The following SLC38A11 variants were observed in gnomAD, a reference collection of about 807,000 sequenced individuals.
SLC38A11 encodes solute carrier family 38 member 11.
A neutral mutation model predicts 49.4 loss-of-function variants in SLC38A11; 51 were observed. The observed-to-expected ratio is 1.03, with a 90% CI of 0.83 to 1.30. The LOEUF is 1.30. SLC38A11 is among the 50% of genes most tolerant of loss of function. SLC38A11 has a pLI of 0.00. For synonymous variants in SLC38A11, 203 were observed against 192.9 expected, an observed-to-expected ratio of 1.05 and a Z score of -0.43; for missense variants, 574 against 556.2, an observed-to-expected ratio of 1.03 and a Z score of -0.32.
intron 10 of SLC38A11, among the ~76,000 whole-genome samples, chr2:164,909,023 T>A (rs1442793280): frequency 6.6e-6 from 1 of 152,162 alleles, no homozygotes; most frequent in Non-Finnish European, 1.5e-5. Context: ...GGCATACCGA[T>A]GTTTCAATAC....
rs1684375667 is a variant in SLC38A11, at chr2:164,896,338, C to T, written c.*2099G>A. On this transcript the variant is annotated 3_prime_UTR_variant, in exon 12 of 12. Transcript: ENST00000685975. ...GCACTAATGCTGCGCTCAGTTCCTA[C>T]CAGGAGCTTTCATCTACTTGAAGAG... 1 of 152,118 alleles carries T rather than the reference C, an allele frequency of 6.6e-6. No individual in the cohort carries two copies. Among genetic ancestry groups the T allele is most frequent in the South Asian group, 2.1e-4 (1 of 4,826 alleles). The allele number at this position is 152,118 out of a possible 1,614,324, so 9.4% of individuals were successfully genotyped here. A position where few individuals can be genotyped will look rare whatever the true frequency, so the allele number is the denominator to read the frequency against.
intron 2 of SLC38A11, among the ~76,000 whole-genome samples, 172 bp downstream of exon 2, chr2:164,954,459 A>T (rs1462337456): frequency 6.6e-6 from 1 of 152,216 alleles, no homozygotes; most frequent in Admixed American, 6.5e-5. Flanking sequence ...CATAAAAGAC[A>T]TGCATACATA....
At chr2:164,904,510 T>C (rs1483541408) in intron 11 of SLC38A11, among the ~76,000 whole-genome samples, 1 of 152,288 alleles carries the variant, frequency 6.6e-6, no homozygotes, top group African/African-American at 2.4e-5. Context: ...ATAGTAGCAT[T>C]TCCCTAACCT....
Position 164,904,411 on chromosome 2 carries a change from A to C in SLC38A11, c.1095+4229T>G, listed in dbSNP as rs558425747. The stretch of plus-strand genomic sequence containing the variant: ...CATTGTTGTCTACTGACATGAAAAC[A>C]AGAAAAAAAAAGGAAAGCAAGGTTC... On this transcript the variant is annotated intron_variant, in intron 11 of 11. Coordinates refer to ENST00000685975, the MANE Select transcript of SLC38A11 (RefSeq NM_001351537.2). Among the ~76,000 whole-genome samples, 8 of 152,240 alleles carry C rather than the reference A, an allele frequency of 5.3e-5. No individual in the cohort carries two copies. In the South Asian group the frequency reaches 1.7e-3, roughly 32 times the overall value.
At position 164,952,743 on chromosome 2, in the gene SLC38A11, C is replaced by T; in HGVS notation, c.193G>A (p.Gly65Arg). The change falls in exon 3 of 12, where the codon GGA becomes AGA. Residue 65 changes from glycine to arginine, a missense_variant. Gly to Arg is a moderately radical substitution (Grantham distance 125, BLOSUM62 -2). Transcript: ENST00000685975. ...YSMKQAGFPL[G>R]ILLLFWVSYV... ...GAAACCCAGAATAAAAGCAATATTC[C>T]CAAAGGAAACCCAGCTTGCTTCATT... The T allele has an allele frequency of 1.9e-6, 3 of 1,607,076 alleles. No homozygotes were observed. Among genetic ancestry groups the T allele is most frequent in the Non-Finnish European group, 2.5e-6 (3 of 1,178,370 alleles).
At chr2:164,900,701 AC>A (rs1332718500) in intron 11 of SLC38A11, among the ~76,000 whole-genome samples, 9 of 151,774 alleles carry the variant, frequency 5.9e-5, no homozygotes, top group Non-Finnish European at 1.2e-4. Context: ...TTTTGTAGTG[AC>A]CCTTTATCAG....
At chr2:164,920,189 A>G (rs1386471157) in intron 7 of SLC38A11, among the ~76,000 whole-genome samples, 1 of 151,360 alleles carries the variant, frequency 6.6e-6, no homozygotes, top group Non-Finnish European at 1.5e-5. Flanking sequence ...CAGGAGAATC[A>G]CTTGAACCTG....
Position 164,903,757 on chromosome 2 carries a change from T to C in SLC38A11, c.1095+4883A>G, listed in dbSNP as rs748893778. On this transcript the variant is annotated intron_variant, in intron 11 of 11. Coordinates refer to ENST00000685975, the MANE Select transcript of SLC38A11 (RefSeq NM_001351537.2). Reference sequence around the variant, plus strand: ...CAAAATATAGTCTAAGTTATAAAGATGGGACAGTTCTTATTAATTGATAAT... The same window carrying C: ...CAAAATATAGTCTAAGTTATAAAGACGGGACAGTTCTTATTAATTGATAAT... Among the ~76,000 whole-genome samples, 7 of 152,160 alleles carry C rather than the reference T, an allele frequency of 4.6e-5. No homozygotes were observed. In the South Asian group the frequency reaches 1.4e-3, roughly 31 times the overall value.
chr2:164,913,936 T>C (rs941362823), intron 9 of SLC38A11, among the ~76,000 whole-genome samples: 2 of 151,990 alleles, frequency 1.3e-5, no homozygotes, highest in Non-Finnish European at 2.9e-5. Flanking sequence ...CCTAAAGTCA[T>C]AGTGATCTGT....
chr2:164,926,644 A>G (rs926559746), intron 7 of SLC38A11, among the ~76,000 whole-genome samples: 8 of 152,184 alleles, frequency 5.3e-5, no homozygotes, highest in African/African-American at 1.9e-4. Context: ...CTGGATTAAG[A>G]AAATGAGGCA....
At chr2:164,915,470 C>T in intron 8 of SLC38A11, 197 bp from the exon 9 acceptor site, 1 of 510,618 alleles carries the variant, frequency 2.0e-6, no homozygotes, top group Non-Finnish European at 3.4e-6. Context: ...CTTATGTGGT[C>T]TTTTCATGTT....
At chr2:164,903,567 C>T (rs189175504) in intron 11 of SLC38A11, among the ~76,000 whole-genome samples, 9 of 152,204 alleles carry the variant, frequency 5.9e-5, no homozygotes, top group Admixed American at 6.5e-5. Flanking sequence ...TCAAGATCAT[C>T]AGTAAAATAA....
At chr2:164,932,120 T>C (rs116221366) in intron 7 of SLC38A11, among the ~76,000 whole-genome samples, 1 of 151,582 alleles carries the variant, frequency 6.6e-6, no homozygotes, top group Non-Finnish European at 1.5e-5. Context: ...TGAACACTCT[T>C]CAAAAGACGT....
chr2:164,940,912 C>T (rs1050756911), intron 5 of SLC38A11, among the ~76,000 whole-genome samples: 37 of 151,988 alleles, frequency 2.4e-4, no homozygotes, highest in African/African-American at 8.4e-4. Context: ...AAAATCCATG[C>T]ACTCACTATT....
At chr2:164,900,203 A>G (rs566998137) in intron 11 of SLC38A11, among the ~76,000 whole-genome samples, 8 of 152,208 alleles carry the variant, frequency 5.3e-5, no homozygotes, top group East Asian at 1.9e-4. Context: ...TCATACATCA[A>G]TGAACACTGA....
intron 7 of SLC38A11, among the ~76,000 whole-genome samples, chr2:164,925,698 C>T (rs1450142517): frequency 6.6e-6 from 1 of 152,160 alleles, no homozygotes; most frequent in Non-Finnish European, 1.5e-5. Context: ...ATTCATAATT[C>T]TATTAAATAG....
At chr2:164,899,982 T>C (rs1336509954) in intron 11 of SLC38A11, among the ~76,000 whole-genome samples, 1 of 152,088 alleles carries the variant, frequency 6.6e-6, no homozygotes. Context: ...CACAGTTTTA[T>C]TCTCTTATCT....
At chr2:164,939,942 C>T (rs941397063) in intron 5 of SLC38A11, among the ~76,000 whole-genome samples, 49 of 149,236 alleles carry the variant, frequency 3.3e-4, no homozygotes, top group African/African-American at 1.2e-3. Flanking sequence ...TCTTTAATGA[C>T]AAAACCCTTC....
intron 6 of SLC38A11, among the ~76,000 whole-genome samples, chr2:164,938,815 G>A (rs773327409): frequency 1.3e-5 from 2 of 152,094 alleles, no homozygotes; most frequent in African/African-American, 2.4e-5. Flanking sequence ...TTGGCATTAC[G>A]TAGACGTAGT....
Sources: allele counts gnomAD v4.1 joint callset (sites outside exome capture counted in the v4.1 genomes callset), GRCh38; gene constraint gnomAD v4.1.1; transcripts MANE v1.5; gene names NCBI Gene and HGNC (gene_info 2026-07-23, HGNC 2026-07-21).